MAST4: variants seen among roughly 807,000 people sequenced by gnomAD.
The protein encoded by MAST4 is microtubule-associated serine/threonine-protein kinase 4.
Under a neutral mutation model 162.7 loss-of-function variants are expected in MAST4, and 89 were observed. The ratio of observed to expected loss-of-function variants is 0.55; its 90% confidence interval spans 0.46 to 0.65. The LOEUF (loss-of-function observed/expected upper bound fraction) is 0.65. MAST4 is among the 30% of genes least tolerant of loss of function. The probability of loss-of-function intolerance (pLI) is 0.00; values close to 1 mark genes in which losing one functional copy is unlikely to be tolerated. For synonymous variants in MAST4, 1,479 were observed against 1,361.1 expected, an observed-to-expected ratio of 1.09 and a Z score of -1.91; for missense variants, 3,153 against 3,374.0, an observed-to-expected ratio of 0.93 and a Z score of 1.62.
intron 3 of MAST4, among the ~76,000 whole-genome samples, chr5:66,894,017 A>G (rs1190442670): frequency 6.6e-6 from 1 of 152,184 alleles, no homozygotes; most frequent in Non-Finnish European, 1.5e-5. Context: ...GCTAATTTTA[A>G]GCTTTGTCAA....
At chr5:67,131,127 C>T (rs1581668849) in intron 15 of MAST4, among the ~76,000 whole-genome samples, 1 of 151,834 alleles carries the variant, frequency 6.6e-6, no homozygotes, top group South Asian at 2.1e-4. Flanking sequence ...CATAGATGAG[C>T]GAAATAAAGT....
chr5:67,161,586 C>T (rs189971933), intron 27 of MAST4, among the ~76,000 whole-genome samples: 294 of 152,184 alleles, frequency 1.9e-3, no homozygotes, highest in African/African-American at 6.7e-3. Context: ...TAGCAGTGTA[C>T]AAACATTTAG....
At chr5:66,752,851 A>G (rs1339076510) in intron 1 of MAST4, among the ~76,000 whole-genome samples, 17 of 152,246 alleles carry the variant, frequency 1.1e-4, no homozygotes, top group Admixed American at 6.5e-4. Context: ...CATTTTTTTC[A>G]GCACCACACC....
intron 1 of MAST4, among the ~76,000 whole-genome samples, chr5:66,627,603 A>G (rs988807534): frequency 6.6e-6 from 1 of 152,144 alleles, no homozygotes; most frequent in African/African-American, 2.4e-5. Flanking sequence ...AGCATATACA[A>G]TTTGGGCATC....
At chr5:66,639,509 G>A (rs1256774713) in intron 1 of MAST4, among the ~76,000 whole-genome samples, 1 of 152,128 alleles carries the variant, frequency 6.6e-6, no homozygotes, top group Non-Finnish European at 1.5e-5. Flanking sequence ...AGAAAGTGGT[G>A]TAACTATGTT....
intron 4 of MAST4, among the ~76,000 whole-genome samples, chr5:66,916,067 A>G (rs1199944143): frequency 1.3e-5 from 2 of 152,226 alleles, no homozygotes; most frequent in African/African-American, 2.4e-5. Flanking sequence ...AAGAATGGAA[A>G]TATCTCATTA....
intron 3 of MAST4, among the ~76,000 whole-genome samples, chr5:66,815,679 G>C (rs1260369676): frequency 6.6e-6 from 1 of 152,110 alleles, no homozygotes; most frequent in Non-Finnish European, 1.5e-5. Flanking sequence ...AAAGAAACTG[G>C]TATTATTTAT....
At chr5:66,820,832 T>C (rs1288398273) in intron 3 of MAST4, among the ~76,000 whole-genome samples, 1 of 152,214 alleles carries the variant, frequency 6.6e-6, no homozygotes, top group Non-Finnish European at 1.5e-5. Flanking sequence ...AATACCATGA[T>C]TCCTGTCATA....
intron 5 of MAST4, among the ~76,000 whole-genome samples, chr5:67,059,498 T>C (rs975741707): frequency 6.6e-6 from 1 of 152,102 alleles, no homozygotes; most frequent in Non-Finnish European, 1.5e-5. Context: ...TTGATTTAAA[T>C]GAGTAAAAGT....
At chr5:66,902,386 A>T (rs2149984802) in intron 4 of MAST4, among the ~76,000 whole-genome samples, 1 of 152,264 alleles carries the variant, frequency 6.6e-6, no homozygotes, top group South Asian at 2.1e-4. Context: ...GGTTTTCCAA[A>T]TTTTTTTGAA....
At chr5:66,959,609 C>G (rs2150154231) in intron 4 of MAST4, among the ~76,000 whole-genome samples, 1 of 152,244 alleles carries the variant, frequency 6.6e-6, no homozygotes, top group East Asian at 1.9e-4. Flanking sequence ...TTCTCCTTCT[C>G]TCTTACTGTT....
intron 1 of MAST4, among the ~76,000 whole-genome samples, chr5:66,658,881 G>A (rs767592134): frequency 6.6e-6 from 1 of 152,092 alleles, no homozygotes; most frequent in Non-Finnish European, 1.5e-5. Context: ...AATTAGCTGG[G>A]CATGGTGTTG....
intron 1 of MAST4, among the ~76,000 whole-genome samples, chr5:66,662,132 A>C (rs867667409): frequency 2.8e-4 from 43 of 152,178 alleles, no homozygotes; most frequent in African/African-American, 9.6e-4. Context: ...TGGGGATATA[A>C]CAGTGAAGAA....
At chr5:66,701,518 C>T (rs1273461442) in intron 1 of MAST4, among the ~76,000 whole-genome samples, 1 of 152,106 alleles carries the variant, frequency 6.6e-6, no homozygotes, top group African/African-American at 2.4e-5. Context: ...GTACATTAGG[C>T]CTTGGTTTTC....
At chr5:66,978,838 C>T (rs16896077) in intron 4 of MAST4, among the ~76,000 whole-genome samples, 1,936 of 152,138 alleles carry the variant, frequency 0.013, 26 homozygotes, top group African/African-American at 0.044. Context: ...TTTCTTTTTT[C>T]GGTGTAGGAC....
intron 1 of MAST4, among the ~76,000 whole-genome samples, chr5:66,662,011 G>A (rs557399294): frequency 1.3e-5 from 2 of 151,872 alleles, no homozygotes; most frequent in South Asian, 4.2e-4. Context: ...TTCTTTAGTG[G>A]TGATAATCAA....
At chr5:66,706,800 C>G (rs993663772) in intron 1 of MAST4, among the ~76,000 whole-genome samples, 1 of 152,088 alleles carries the variant, frequency 6.6e-6, no homozygotes, top group Non-Finnish European at 1.5e-5. Flanking sequence ...ATAACTGTTG[C>G]AGAATTACTC....
At chr5:66,895,162 A>G (rs910851558) in intron 3 of MAST4, among the ~76,000 whole-genome samples, 9 of 152,184 alleles carry the variant, frequency 5.9e-5, no homozygotes, top group South Asian at 2.1e-4. Context: ...AGCCATCCAT[A>G]CATTGATTGT....
chr5:67,144,601 A>T (rs566410046), intron 21 of MAST4, 68 bp from the exon 22 acceptor site: 2 of 1,523,912 alleles, frequency 1.3e-6, no homozygotes, highest in Admixed American at 1.8e-5. Flanking sequence ...TTCTCCCAAG[A>T]CTTGGAGTGT....
Sources: gnomAD v4.1 joint callset for allele counts (sites outside exome capture counted in the v4.1 genomes callset) on GRCh38, gnomAD v4.1.1 for gene constraint, MANE v1.5 for transcripts, NCBI Gene and HGNC (gene_info 2026-07-23, HGNC 2026-07-21) for gene names.